Variants in NHLRC2 observed in about 807,000 individuals in gnomAD.
NHLRC2 encodes NHL repeat-containing protein 2.
A neutral mutation model predicts 68.1 loss-of-function variants in NHLRC2; 33 were observed. That is an observed-to-expected ratio of 0.48 (90% CI 0.37 to 0.65). The LOEUF is 0.65. Ranked by LOEUF, NHLRC2 falls within the 30% of genes least tolerant of loss-of-function variation. NHLRC2 has a pLI of 0.00. For synonymous variants in NHLRC2, 311 were observed against 309.6 expected (o/e 1.00, Z -0.05); for missense variants, 761 against 853.8 (o/e 0.89, Z 1.35).
In NHLRC2 at chr10:113,879,198, TA is replaced by T. The variant is rs577037699; in HGVS notation, c.788-375del. On this transcript the variant is annotated intron_variant, in intron 3 of 10. Transcript: ENST00000369301. ...AACAATTTGGCCATGTGTATTTTTC[TA>T]GGGAAAGGGCTCATAATTTTCATTG... Among the ~76,000 whole-genome samples, 753 of 152,282 alleles carry T rather than the reference TA, an allele frequency of 4.9e-3. 3 individuals carry two copies. The highest frequency in any genetic ancestry group is 9.1e-3 in the Admixed American group (139 of 15,292).
intron 6 of NHLRC2, among the ~76,000 whole-genome samples, chr10:113,900,753 G>A (rs148410190): frequency 1.3e-4 from 20 of 152,164 alleles, no homozygotes; most frequent in African/African-American, 3.6e-4. Context: ...TATTTTATGC[G>A]TGCTAAATCC....
chr10:113,874,442 TTGTGTGTGTGTGTGTGTGTGTGTG>T (rs58207579), intron 2 of NHLRC2, among the ~76,000 whole-genome samples: 127 of 125,742 alleles, frequency 1.0e-3, no homozygotes, highest in East Asian at 7.5e-3. Context: ...AGGCATGTGT[TTGTGTGTGTGTGTGTGTGTGTGTG>T]TGTGTGTGTG....
At chr10:113,896,158 A>G (rs1203135255) in intron 5 of NHLRC2, among the ~76,000 whole-genome samples, 1 of 152,128 alleles carries the variant, frequency 6.6e-6, no homozygotes, top group Admixed American at 6.5e-5. Flanking sequence ...CAGCAATCCT[A>G]TTACTGGGTA....
chr10:113,907,890 A>T (rs999247872), intron 10 of NHLRC2, among the ~76,000 whole-genome samples: 5 of 152,152 alleles, frequency 3.3e-5, no homozygotes, highest in Admixed American at 3.3e-4. Flanking sequence ...AAAGACTTTC[A>T]TCTCTTTGGT....
intron 2 of NHLRC2, among the ~76,000 whole-genome samples, chr10:113,866,542 C>G (rs1323847427): frequency 6.6e-6 from 1 of 151,972 alleles, no homozygotes; most frequent in Non-Finnish European, 1.5e-5. Context: ...ATAACTAAGT[C>G]AGACTTCTAA....
At chr10:113,863,859 C>T (rs1449660498) in intron 2 of NHLRC2, among the ~76,000 whole-genome samples, 1 of 152,070 alleles carries the variant, frequency 6.6e-6, no homozygotes, top group African/African-American at 2.4e-5. Flanking sequence ...AATTGGATAA[C>T]CTAGATGAAG....
chr10:113,889,331 G>A (rs1302444932), intron 5 of NHLRC2, among the ~76,000 whole-genome samples: 3 of 151,666 alleles, frequency 2.0e-5, no homozygotes, highest in African/African-American at 7.3e-5. Flanking sequence ...TACAGTGTTC[G>A]TATTTATGTG....
chr10:113,877,247 C>CT (rs758830632), intron 3 of NHLRC2, among the ~76,000 whole-genome samples: 85 of 140,812 alleles, frequency 6.0e-4, no homozygotes, highest in Middle Eastern at 3.7e-3. Flanking sequence ...TATATTCTAT[C>CT]TTTTTTTTTT....
At position 113,912,851 on chromosome 10, in the gene NHLRC2, G is replaced by A. The variant is rs1415772943; in HGVS notation, c.*4315G>A. 2.0e-5 allele frequency: 3 copies of A among 152,200 alleles called. No individual in the cohort carries two copies. Among genetic ancestry groups the A allele is most frequent in the Non-Finnish European group, 4.4e-5 (3 of 68,028 alleles). 9.4% of individuals were successfully genotyped at this position (152,200 alleles called of 1,614,324 possible). A position where few individuals can be genotyped will look rare whatever the true frequency, so the allele number is the denominator to read the frequency against. On this transcript the variant is annotated 3_prime_UTR_variant, in exon 11 of 11. Coordinates refer to ENST00000369301, the MANE Select transcript of NHLRC2 (RefSeq NM_198514.4). ...GTTCACTTCTGTCAAACAAGGGGAA[G>A]TAGTGGTGGAGCCTTTATTCAGGCA...
intron 2 of NHLRC2, among the ~76,000 whole-genome samples, chr10:113,875,836 G>C: frequency 6.6e-6 from 1 of 151,074 alleles, no homozygotes; most frequent in Non-Finnish European, 1.5e-5. Context: ...TGGGAGATTT[G>C]AATGTTACTT....
chr10:113,901,425 T>C (rs562283492), intron 6 of NHLRC2, among the ~76,000 whole-genome samples: 1 of 152,280 alleles, frequency 6.6e-6, no homozygotes, highest in Admixed American at 6.5e-5. Context: ...TTGAAAGTGA[T>C]TTCAGTTTTG....
At chr10:113,855,074 GGGCCCCTCCC>G in intron 1 of NHLRC2, 24 bp downstream of exon 1, 1 of 1,545,562 alleles carries the variant, frequency 6.5e-7, no homozygotes, top group African/African-American at 1.4e-5. Flanking sequence ...GTCGGGGTGG[GGGCCCCTCCC>G]GGCACCTCCC....
rs1446743333 is a variant in NHLRC2 at position 113,903,663 on chromosome 10, AATT to A, written c.1637_1639del (p.Leu546del). On this transcript the variant is annotated inframe_deletion, in exon 9 of 11. Coordinates refer to ENST00000369301, the MANE Select transcript of NHLRC2 (RefSeq NM_198514.4). ...GGCTTGTGTATTGGAGAGAATGGAG[AATT>A]ATTATATGTAGCAGACACCAATAAT... is the stretch of plus-strand genomic sequence containing the variant. The A allele has an allele frequency of 3.7e-6, 6 of 1,605,546 alleles. No individual in the cohort carries two copies. Among genetic ancestry groups the A allele is most frequent in the Admixed American group, 1.7e-5 (1 of 60,000 alleles).
Position 113,909,220 on chromosome 10 carries a change from A to C in NHLRC2, c.*684A>C, listed in dbSNP as rs1350526767. 1.3e-5 allele frequency: 2 copies of C among 152,202 alleles called. No individual in the cohort carries two copies. The highest frequency in any genetic ancestry group is 2.9e-5 in the Non-Finnish European group (2 of 68,020). 9.4% of individuals were successfully genotyped at this position (152,202 alleles called of 1,614,324 possible). On this transcript the variant is annotated 3_prime_UTR_variant, in exon 11 of 11. Coordinates refer to ENST00000369301, the MANE Select transcript of NHLRC2 (RefSeq NM_198514.4). ...TTTGTACAGATAAAGTTGGACATAG[A>C]ATCTCTAAGGACTGACTCCTTTAAC...
intron 10 of NHLRC2, among the ~76,000 whole-genome samples, chr10:113,906,981 C>T (rs1166441913): frequency 2.6e-5 from 4 of 152,122 alleles, no homozygotes; most frequent in Admixed American, 6.5e-5. Flanking sequence ...AGCGAGACTC[C>T]GTCTCAAAAA....
intron 2 of NHLRC2, among the ~76,000 whole-genome samples, chr10:113,864,710 C>CCA (rs962965932): frequency 2.7e-5 from 4 of 147,394 alleles, no homozygotes; most frequent in African/African-American, 7.5e-5. Flanking sequence ...AAAAAAAAAA[C>CCA]CACACACACA....
At chr10:113,877,067 A>G (rs1845990557) in intron 3 of NHLRC2, 91 bp downstream of exon 3, 3 of 760,308 alleles carry the variant, frequency 3.9e-6, no homozygotes, top group Non-Finnish European at 4.1e-6. Flanking sequence ...TCTAAATGAA[A>G]ACTAATTATA....
At chr10:113,890,511 TCATTATTG>T (rs1846121295) in intron 5 of NHLRC2, among the ~76,000 whole-genome samples, 1 of 152,160 alleles carries the variant, frequency 6.6e-6, no homozygotes, top group Non-Finnish European at 1.5e-5. Context: ...GGTTTGATGT[TCATTATTG>T]TCAAGAAATT....
rs187768865 is a variant in NHLRC2, at chr10:113,898,022, A to T, written c.1040-88A>T. On this transcript the variant is annotated intron_variant, in intron 5 of 10. Transcript: ENST00000369301. ...TCAGATGATTCACAAACATATTGTT[A>T]TCCTCCATAAATTTAACATTTTAAA... 72 of 620,644 alleles carry T rather than the reference A, an allele frequency of 1.2e-4. No homozygotes were observed. The African/African-American group carries it at 1.2e-3, about 10-fold the overall frequency. The allele number at this position is 620,644 out of a possible 1,614,324, so 38.4% of individuals were successfully genotyped here.
Sources: gnomAD v4.1 joint callset for allele counts (sites outside exome capture counted in the v4.1 genomes callset) on GRCh38, gnomAD v4.1.1 for gene constraint, MANE v1.5 for transcripts, NCBI Gene and HGNC (gene_info 2026-07-23, HGNC 2026-07-21) for gene names.